C1S: variants seen among roughly 807,000 people sequenced by gnomAD.
C1S encodes the protein complement C1s.
In C1S, 31 loss-of-function variants were observed where a neutral mutation model predicts 54.0. The ratio of observed to expected loss-of-function variants is 0.57; its 90% CI spans 0.43 to 0.78. C1S has a LOEUF of 0.78. C1S is among the 30% of genes least tolerant of loss of function. C1S has a pLI of 0.00. For missense variants in C1S, 727 were observed against 851.8 expected, an observed-to-expected ratio of 0.85 and a Z score of 1.82; for synonymous variants, 292 against 303.6, an observed-to-expected ratio of 0.96 and a Z score of 0.40.
chr12:7,064,884 C>T (rs1241897895), intron 5 of C1S, among the ~76,000 whole-genome samples: 1 of 152,146 alleles, frequency 6.6e-6, no homozygotes, highest in Non-Finnish European at 1.5e-5. Context: ...AGAAAGGCTC[C>T]ATCCTAAGCA....
chr12:7,063,494 C>A, intron 4 of C1S: 1 of 372,304 alleles, frequency 2.7e-6, no homozygotes, highest in Admixed American at 3.2e-5. Flanking sequence ...CAATATATGG[C>A]ATTCAAACCT....
At position 7,060,740 on chromosome 12, in the gene C1S, AGG is replaced by A; in HGVS notation, c.-210_-209del. ...GGAATCTTATGAACAGAACCAGGAC[AGG>A]GAGGCTGGCCGGAGGTTCCTGCAGA... On this transcript the variant is annotated 5_prime_UTR_variant, in exon 1 of 12. The change creates a premature stop within an existing upstream ORF in the 5' untranslated region. Coordinates refer to ENST00000360817, the MANE Select transcript of C1S (RefSeq NM_001734.5). 6.6e-6 allele frequency: 1 copy of A among 152,390 alleles called. No individual in the cohort carries two copies. The highest frequency in any genetic ancestry group is 1.5e-5 in the Non-Finnish European group (1 of 68,184). 9.4% of individuals were successfully genotyped at this position (152,390 alleles called of 1,614,324 possible).
intron 8 of C1S, 191 bp from the exon 9 acceptor site, chr12:7,066,848 G>A: frequency 1.4e-6 from 1 of 706,190 alleles, no homozygotes; most frequent in Non-Finnish European, 2.6e-6. Context: ...CTTGAGGAAG[G>A]GGAGTTGACA....
rs1199555580 is a variant in C1S at position 7,064,142 on chromosome 12, T to C, written c.392-125T>C. 3.2e-6 allele frequency: 3 copies of C among 939,748 alleles called. No individual in the cohort carries two copies. In the African/African-American group the frequency reaches 4.8e-5, roughly 15 times the overall value. The allele number at this position is 939,748 out of a possible 1,614,324, so 58.2% of individuals were successfully genotyped here. A position where few individuals can be genotyped will look rare whatever the true frequency, so the allele number is the denominator to read the frequency against. On this transcript the variant is annotated intron_variant, in intron 4 of 11. Transcript: ENST00000360817. ...GGAATAATAGTAGCCTGAAATGTGA[T>C]CCCTTGACGGATCTTTAAGCAATAG...
chr12:7,070,253 T>C lies in C1S; in HGVS notation c.1669T>C (p.Tyr557His). 6.2e-7 allele frequency: 1 copy of C among 1,614,158 alleles called. No homozygotes were observed. The highest frequency in any genetic ancestry group is 2.2e-5 in the East Asian group (1 of 44,880). The part of the protein sequence containing the change: ...PICLPGTSSD[Y>H]NLMDGDLGLI... ...CTGCCTACCAGGCACCTCTTCCGAC[T>C]ACAACCTCATGGATGGGGACCTGGG... is the stretch of plus-strand genomic sequence containing the variant. Residue 557 changes from tyrosine (Y) to histidine (H), a missense_variant, in exon 12 of 12, where the codon TAC becomes CAC. This residue lies in a region of C1S where 360 missense variants were observed against 453.6 expected (regional missense o/e 0.79). Coordinates refer to ENST00000360817, the MANE Select transcript of C1S (RefSeq NM_001734.5). The surrounding 1 kb of genome is among the most constrained non-coding windows in gnomAD (Gnocchi z 4.9).
chr12:7,068,135 G>A (rs1169396254), intron 10 of C1S, among the ~76,000 whole-genome samples: 3 of 152,162 alleles, frequency 2.0e-5, no homozygotes, highest in Non-Finnish European at 4.4e-5. Context: ...TTGATGTAGA[G>A]GCTTTGGTCA....
chr12:7,067,436 G>A (rs1206563820), intron 9 of C1S: 18 of 720,554 alleles, frequency 2.5e-5, no homozygotes, highest in Non-Finnish European at 4.2e-5. Context: ...CTTTCATGGG[G>A]CCATCTGAAT....
rs1555161418 is a variant in C1S at position 7,062,642 on chromosome 12, A to T, written c.173A>T (p.Asp58Val). The change falls in exon 3 of 12, where the codon GAC becomes GTC. Residue 58 changes from aspartate to valine, a missense_variant. Asp to Val is a radical substitution (Grantham distance 152). This residue lies in a region of C1S where 357 missense variants were observed against 365.4 expected (regional missense o/e 0.98). Coordinates refer to ENST00000360817, the MANE Select transcript of C1S (RefSeq NM_001734.5). ...ATTCACCTCTACTTCACCCATCTGG[A>T]CATTGAGCTGTCAGAGAACTGTGCG... ...YGIHLYFTHLDIELSENCAYD... is the reference protein window; with the variant it reads ...YGIHLYFTHLVIELSENCAYD... 5 of 1,614,164 alleles carry T rather than the reference A, an allele frequency of 3.1e-6. No homozygotes were observed. Among genetic ancestry groups the T allele is most frequent in the Admixed American group, 3.3e-5 (2 of 60,028 alleles).
At chr12:7,066,341 G>T (rs1937655172) in intron 7 of C1S, 177 bp from the exon 8 acceptor site, 2 of 678,814 alleles carry the variant, frequency 2.9e-6, no homozygotes, top group South Asian at 3.2e-5. Flanking sequence ...CAGACAGCTT[G>T]CGGGTGGTTA....
intron 7 of C1S, chr12:7,066,278 G>A (rs187275941): frequency 1.3e-4 from 82 of 618,634 alleles, no homozygotes; most frequent in African/African-American, 1.1e-3. Flanking sequence ...ACCAGTCAAC[G>A]GTTGCTAGAA....
chr12:7,063,764 C>T, intron 4 of C1S: 2 of 352,686 alleles, frequency 5.7e-6, no homozygotes, highest in Non-Finnish European at 1.1e-5. Context: ...GTAGCTCACA[C>T]CTGTAATCCC....
chr12:7,065,328 C>T (rs954580479), intron 6 of C1S, 29 bp downstream of exon 6: 1 of 1,540,254 alleles, frequency 6.5e-7, no homozygotes, highest in Non-Finnish European at 9.0e-7. Context: ...ATACCCCACC[C>T]TTAACTTACA....
At position 7,067,127 on chromosome 12, in the gene C1S, T is replaced by C. The variant is rs147394609; in HGVS notation, c.1066+10T>C. On this transcript the variant is annotated intron_variant, in intron 9 of 11. Coordinates refer to ENST00000360817, the MANE Select transcript of C1S (RefSeq NM_001734.5). ...AAACTGAAATGTCAACGTATGTGTC[T>C]CTTCAAAGTGGAAGTCTTTCTTTTT... is the stretch of plus-strand genomic sequence containing the variant. 707 of 1,528,876 alleles carry C rather than the reference T, an allele frequency of 4.6e-4. 5 individuals are homozygous for C. In the African/African-American group the frequency reaches 8.6e-3, roughly 19 times the overall value. 94.7% of individuals were successfully genotyped at this position (1,528,876 alleles called of 1,614,324 possible). A position where few individuals can be genotyped will look rare whatever the true frequency, so the allele number is the denominator to read the frequency against.
intron 2 of C1S, chr12:7,062,178 G>C (rs1395550074): frequency 8.9e-6 from 5 of 562,766 alleles, no homozygotes; most frequent in Non-Finnish European, 1.6e-5. Context: ...GGCTGAGGTG[G>C]TAGAATCACT....
At chr12:7,062,031 A>T (rs1275104395) in intron 2 of C1S, 114 bp downstream of exon 2, 5 of 1,052,812 alleles carry the variant, frequency 4.7e-6, no homozygotes, top group Non-Finnish European at 7.3e-6. Context: ...GCACTTTGGG[A>T]GGCTGAGGCG....
chr12:7,065,335 T>G, intron 6 of C1S, 36 bp downstream of exon 6: 1 of 1,513,820 alleles, frequency 6.6e-7, no homozygotes, highest in Non-Finnish European at 9.2e-7. Context: ...ACCCTTAACT[T>G]ACACAGAGAG....
In C1S at chr12:7,064,502, G is replaced by C. The variant is rs897887599; in HGVS notation, c.517+110G>C. The stretch of plus-strand genomic sequence containing the variant: ...CTTCGATTAGGCCAAGCCTTCATTT[G>C]GCACTTCTTTTTTATTTTAGAATTT... On this transcript the variant is annotated intron_variant, in intron 5 of 11. Transcript: ENST00000360817. The C allele has an allele frequency of 2.1e-5, 21 of 1,008,404 alleles. No homozygotes were observed. In the African/African-American group the frequency reaches 3.4e-4, roughly 17 times the overall value. The allele number at this position is 1,008,404 out of a possible 1,614,324, so 62.5% of individuals were successfully genotyped here.
Position 7,065,275 on chromosome 12 carries a change from G to A in C1S, c.693G>A (p.Ala231=), listed in dbSNP as rs374425292. The part of the protein sequence containing the change: ...EDFDVEAADS[A]GNCLDSLVFV... The stretch of plus-strand genomic sequence containing the variant: ...TTGATGTGGAAGCAGCTGACTCAGC[G>A]GGAAACTGCCTTGACAGTTTAGTTG... The change falls in exon 6 of 12, where the codon GCG becomes GCA. Residue 231 remains alanine, a synonymous_variant. Coordinates refer to ENST00000360817, the MANE Select transcript of C1S (RefSeq NM_001734.5). The A allele has an allele frequency of 2.2e-4, 362 of 1,613,726 alleles. No homozygotes were observed. The highest frequency in any genetic ancestry group is 2.8e-4 in the Non-Finnish European group (331 of 1,179,748).
In C1S at chr12:7,064,347, T is replaced by C. The variant is rs782023115; in HGVS notation, c.472T>C (p.Cys158Arg). The C allele has an allele frequency of 4.3e-6, 7 of 1,614,120 alleles. No individual in the cohort carries two copies. The South Asian group carries it at 7.7e-5, about 18-fold the overall frequency. The change falls in exon 5 of 12, where the codon TGC becomes CGC. Residue 158 changes from cysteine to arginine, a missense_variant. By Grantham distance (180) the Cys-to-Arg change is radical. This residue lies in a region of C1S where 357 missense variants were observed against 365.4 expected (regional missense o/e 0.98). Coordinates refer to ENST00000360817, the MANE Select transcript of C1S (RefSeq NM_001734.5). ...TTTCATTGGTGGTTACTTCTGCTCC[T>C]GCCCCCCGGAATATTTCCTCCATGA... ...NNFIGGYFCS[C>R]PPEYFLHDDM...
Sources: gnomAD v4.1 joint callset for allele counts (sites outside exome capture counted in the v4.1 genomes callset) on GRCh38, gnomAD v4.1.1 for gene constraint, gnomAD v4.1.1 regional missense constraint, Gnocchi (gnomAD v3.1) non-coding constraint, MANE v1.5 for transcripts, NCBI Gene and HGNC (gene_info 2026-07-23, HGNC 2026-07-21) for gene names.